Variants in CCDC178 observed in about 807,000 individuals in gnomAD.
CCDC178 encodes the protein coiled-coil domain containing 178.
A neutral mutation model predicts 117.4 loss-of-function variants in CCDC178; 126 were observed. That is an observed-to-expected ratio of 1.07 (90% CI 0.93 to 1.24). CCDC178 has a LOEUF of 1.24. Ranked by LOEUF, CCDC178 falls within the 50% of genes most tolerant of loss-of-function variation. The probability of loss-of-function intolerance (pLI) is 0.00; values close to 1 mark genes in which losing one functional copy is unlikely to be tolerated. For synonymous variants in CCDC178, 283 were observed against 313.4 expected (o/e 0.90, Z 1.02); for missense variants, 1,030 against 986.9 (o/e 1.04, Z -0.59).
intron 10 of CCDC178, among the ~76,000 whole-genome samples, chr18:33,326,283 C>T (rs1487226970): frequency 6.6e-6 from 1 of 152,086 alleles, no homozygotes; most frequent in Admixed American, 6.5e-5. Flanking sequence ...GGTGTCCCTA[C>T]TTGTCTGGGG....
chr18:33,186,615 T>C (rs2058797507), intron 20 of CCDC178, among the ~76,000 whole-genome samples: 1 of 152,036 alleles, frequency 6.6e-6, no homozygotes, highest in Admixed American at 6.6e-5. Context: ...AGTTTCCTTG[T>C]TTAGTTTTAT....
At chr18:33,172,541 G>A (rs2058615083) in intron 20 of CCDC178, among the ~76,000 whole-genome samples, 1 of 151,804 alleles carries the variant, frequency 6.6e-6, no homozygotes, top group African/African-American at 2.4e-5. Flanking sequence ...AAATACATTA[G>A]GCATGCTATT....
In CCDC178 at chr18:33,393,360, AT is replaced by A. The variant is rs1301387206; in HGVS notation, c.119-3732del. Among the ~76,000 whole-genome samples, 3 of 152,206 alleles carry A rather than the reference AT, an allele frequency of 2.0e-5. No individual in the cohort carries two copies. In the South Asian group the frequency reaches 6.2e-4, roughly 32 times the overall value. On this transcript the variant is annotated intron_variant, in intron 4 of 22. Transcript: ENST00000383096. ...GTTTTAATGGTTTTAGAGTAAAACAATTTTTTTATTTTATAGCATACATGGA... is the reference window on the plus strand; with the variant it reads ...GTTTTAATGGTTTTAGAGTAAAACAATTTTTTATTTTATAGCATACATGGA...
intron 20 of CCDC178, among the ~76,000 whole-genome samples, chr18:33,187,038 T>G (rs915847164): frequency 4.4e-5 from 6 of 137,252 alleles, no homozygotes; most frequent in African/African-American, 1.8e-4. Context: ...AAACTTACAA[T>G]CATGGAGGAA....
chr18:33,179,532 T>C (rs1400340814), intron 20 of CCDC178, among the ~76,000 whole-genome samples: 2 of 151,992 alleles, frequency 1.3e-5, no homozygotes, highest in Non-Finnish European at 2.9e-5. Context: ...CCAAGTATAA[T>C]TTTAAAAAGA....
chr18:33,071,466 C>A (rs1208544029), intron 21 of CCDC178, among the ~76,000 whole-genome samples: 2 of 152,012 alleles, frequency 1.3e-5, no homozygotes, highest in African/African-American at 4.8e-5. Flanking sequence ...AGTAATCAAT[C>A]AAATTTTCAT....
At chr18:33,381,097 C>T (rs1367209070) in intron 5 of CCDC178, among the ~76,000 whole-genome samples, 1 of 152,180 alleles carries the variant, frequency 6.6e-6, no homozygotes, top group Non-Finnish European at 1.5e-5. Context: ...AATAGTCAGT[C>T]CCTGTAAGTA....
At chr18:33,409,065 C>T (rs2063817815) in intron 3 of CCDC178, among the ~76,000 whole-genome samples, 1 of 152,098 alleles carries the variant, frequency 6.6e-6, no homozygotes, top group Non-Finnish European at 1.5e-5. Context: ...CAACTGAGAA[C>T]ACAGAATAAT....
intron 21 of CCDC178, chr18:32,983,375 TATTACAAA>T: frequency 7.0e-7 from 1 of 1,424,948 alleles, no homozygotes; most frequent in Non-Finnish European, 9.5e-7. Flanking sequence ...ATATTACAAA[TATTACAAA>T]TGAAGCCATT....
chr18:33,293,289 C>T lies in CCDC178; in HGVS notation c.1046G>A (p.Ser349Asn), dbSNP rs1331154323. 1.3e-6 allele frequency: 2 copies of T among 1,523,806 alleles called. No homozygotes were observed. Among genetic ancestry groups the T allele is most frequent in the South Asian group, 2.4e-5 (2 of 84,378 alleles). 94.4% of individuals were successfully genotyped at this position (1,523,806 alleles called of 1,614,324 possible). ...TGATGAAGAGTAATGATCAAATAGA[C>T]TGTTAAGTTGATATATCTCTCTCCT... ...AYKREIYQLN[S>N]LFDHYSSSVI... The change falls in exon 12 of 23, where the codon AGT becomes AAT. Residue 349 changes from serine (S) to asparagine (N), a missense_variant. Transcript: ENST00000383096.
chr18:32,992,458 T>C (rs548442144), intron 21 of CCDC178, among the ~76,000 whole-genome samples: 18 of 151,912 alleles, frequency 1.2e-4, no homozygotes, highest in Non-Finnish European at 2.1e-4. Context: ...GCTTTGAAAG[T>C]AAGTAAAAAA....
intron 5 of CCDC178, among the ~76,000 whole-genome samples, chr18:33,377,019 A>G (rs961036646): frequency 6.6e-6 from 1 of 152,188 alleles, no homozygotes; most frequent in African/African-American, 2.4e-5. Flanking sequence ...TATTAGACAA[A>G]TCTCAAAACT....
intron 20 of CCDC178, among the ~76,000 whole-genome samples, chr18:33,133,155 A>G (rs924175188): frequency 4.6e-5 from 7 of 151,880 alleles, no homozygotes; most frequent in Admixed American, 3.9e-4. Flanking sequence ...GAATTCAGAG[A>G]GCTCAGATAT....
chr18:33,321,157 T>C (rs911510819), intron 11 of CCDC178, among the ~76,000 whole-genome samples: 17 of 152,196 alleles, frequency 1.1e-4, no homozygotes, highest in African/African-American at 3.9e-4. Context: ...ACCTAGGCTT[T>C]ACCATTCAGG....
intron 20 of CCDC178, among the ~76,000 whole-genome samples, chr18:33,175,184 G>T (rs766829295): frequency 3.3e-5 from 5 of 151,762 alleles, no homozygotes; most frequent in Non-Finnish European, 7.4e-5. Context: ...CCTCTGTTTC[G>T]CATTATTGTA....
chr18:33,037,370 C>G (rs1330463881), intron 21 of CCDC178, among the ~76,000 whole-genome samples: 2 of 151,990 alleles, frequency 1.3e-5, no homozygotes, highest in Middle Eastern at 3.4e-3. Context: ...ATTTTCTCCA[C>G]AAAAACTTTA....
chr18:33,394,735 C>T (rs560689505), intron 4 of CCDC178, among the ~76,000 whole-genome samples: 1 of 150,968 alleles, frequency 6.6e-6, no homozygotes, highest in Admixed American at 6.6e-5. Flanking sequence ...TCCTAAAGCA[C>T]ATTATCTCCC....
At chr18:33,059,650 C>T (rs1021950324) in intron 21 of CCDC178, among the ~76,000 whole-genome samples, 1 of 152,026 alleles carries the variant, frequency 6.6e-6, no homozygotes, top group African/African-American at 2.4e-5. Flanking sequence ...CAATTTGTGC[C>T]CTTCACTTTC....
At chr18:33,274,083 T>A (rs1021047946) in intron 12 of CCDC178, among the ~76,000 whole-genome samples, 5 of 151,724 alleles carry the variant, frequency 3.3e-5, no homozygotes, top group African/African-American at 1.2e-4. Flanking sequence ...GACAAAAGAT[T>A]TGAATAGACA....
Sources: allele counts gnomAD v4.1 joint callset (sites outside exome capture counted in the v4.1 genomes callset), GRCh38; gene constraint gnomAD v4.1.1; transcripts MANE v1.5; gene names NCBI Gene and HGNC (gene_info 2026-07-23, HGNC 2026-07-21).